Variants in PCDHGB2 observed in about 807,000 individuals in gnomAD.
PCDHGB2 encodes the protein protocadherin gamma-B2.
PCDHGB2 carries 55 observed loss-of-function variants against 59.3 expected under a neutral mutation model. The observed-to-expected ratio is 0.93, with a 90% confidence interval of 0.75 to 1.16. The LOEUF (loss-of-function observed/expected upper bound fraction) is 1.16, where lower values mean the gene tolerates loss of function less well. Ranked by LOEUF, PCDHGB2 falls within the 50% of genes most tolerant of loss-of-function variation. The pLI, the probability that PCDHGB2 is intolerant of heterozygous loss-of-function variation, is 0.00. For missense variants in PCDHGB2, 1,228 were observed against 1,198.5 expected, an observed-to-expected ratio of 1.02 and a Z score of -0.36; for synonymous variants, 516 against 512.0, an observed-to-expected ratio of 1.01 and a Z score of -0.11.
intron 1 of PCDHGB2, chr5:141,371,830 C>A: frequency 6.2e-7 from 1 of 1,613,814 alleles, no homozygotes. Flanking sequence ...GCCTCGGATC[C>A]CGACTTGGGA....
chr5:141,431,884 T>A lies in PCDHGB2; in HGVS notation c.2422-62923T>A. ...CCCTTTTAAATGTAAATGACCAAGA[T>A]TCTGAGGAAAACGGACAGGTGATCT... On this transcript the variant is annotated intron_variant, in intron 1 of 3. Transcript: ENST00000522605. This position sits in a 1 kb window ranked among gnomAD's most constrained non-coding sequence, Gnocchi z 4.8. 1.2e-6 allele frequency: 2 copies of A among 1,614,218 alleles called. No individual in the cohort carries two copies. Among genetic ancestry groups the A allele is most frequent in the Non-Finnish European group, 1.7e-6 (2 of 1,180,008 alleles).
chr5:141,376,476 T>C (rs1772728633), intron 1 of PCDHGB2: 19 of 1,614,192 alleles, frequency 1.2e-5, no homozygotes, highest in Middle Eastern at 1.6e-4. Context: ...CAGGATTTAC[T>C]TGAAACGAAA....
At chr5:141,492,216 C>T (rs1163022229) in intron 1 of PCDHGB2, among the ~76,000 whole-genome samples, 1 of 152,140 alleles carries the variant, frequency 6.6e-6, no homozygotes, top group Non-Finnish European at 1.5e-5. Context: ...GCGCGGGGCT[C>T]ATGCGTGTCC....
chr5:141,403,416 C>G, intron 1 of PCDHGB2: 1 of 1,614,034 alleles, frequency 6.2e-7, no homozygotes, highest in Non-Finnish European at 8.5e-7. Flanking sequence ...TATCCACTTC[C>G]AGAAGCTATT....
rs535152193 is a variant in PCDHGB2, at chr5:141,422,906, C to G, written c.2421+60350C>G. ...TTCGTGCTGGACCAGAACGACAATG[C>G]GCCCGAGATCCTGTACCCTGCCCTC... On this transcript the variant is annotated intron_variant, in intron 1 of 3. Transcript: ENST00000522605. 6 of 1,614,264 alleles carry G rather than the reference C, an allele frequency of 3.7e-6. No homozygotes were observed. The South Asian group carries it at 6.6e-5, about 18-fold the overall frequency.
intron 1 of PCDHGB2, among the ~76,000 whole-genome samples, chr5:141,379,889 C>CTTTTTTTTTGTTTTTTTTTTTTTTTTT (rs1775948001): frequency 2.0e-5 from 1 of 50,830 alleles, no homozygotes; most frequent in Non-Finnish European, 3.9e-5. Context: ...GTGAAAGCCT[C>CTTTTTTTTTGTTTTTTTTTTTTTTTTT]TTTTTTTTTT....
chr5:141,396,654 T>G (rs1489747712), intron 1 of PCDHGB2: 1 of 151,996 alleles, frequency 6.6e-6, no homozygotes, highest in Non-Finnish European at 1.5e-5. Context: ...TAGTAAAAAC[T>G]CGGTATAGGC....
At chr5:141,498,919 C>T (rs897611505) in intron 2 of PCDHGB2, among the ~76,000 whole-genome samples, 34 of 122,310 alleles carry the variant, frequency 2.8e-4, no homozygotes, top group African/African-American at 3.4e-4. Flanking sequence ...GGTGACAGAG[C>T]GAGACTCCAT....
At position 141,512,091 on chromosome 5, in the gene PCDHGB2, A is replaced by C. The variant is rs1329025049; in HGVS notation, c.*918A>C. On this transcript the variant is annotated 3_prime_UTR_variant, in exon 4 of 4. Transcript: ENST00000522605. The stretch of plus-strand genomic sequence containing the variant: ...TCCAGATTCCAGCCATAAACCAATA[A>C]CTAGGCTGGACCCTTCCCACTACAT... 1 of 152,656 alleles carries C rather than the reference A, an allele frequency of 6.6e-6. No homozygotes were observed. The highest frequency in any genetic ancestry group is 2.4e-5 in the African/African-American group (1 of 41,456). 9.5% of individuals were successfully genotyped at this position (152,656 alleles called of 1,614,324 possible). A position where few individuals can be genotyped will look rare whatever the true frequency, so the allele number is the denominator to read the frequency against.
chr5:141,457,413 A>C (rs939244132), intron 1 of PCDHGB2, among the ~76,000 whole-genome samples: 6 of 152,142 alleles, frequency 3.9e-5, no homozygotes, highest in Non-Finnish European at 5.9e-5. Flanking sequence ...CACATTACCC[A>C]TCCCTTTTTC....
At position 141,491,660 on chromosome 5, in the gene PCDHGB2, C is replaced by G; in HGVS notation, c.2422-3147C>G. 6.2e-7 allele frequency: 1 copy of G among 1,613,810 alleles called. No individual in the cohort carries two copies. ...ACAGCTCTGGCGCTGGAGCCTGACG[C>G]CATCCGGTCCCGCTCTAATACGCTG... is the stretch of plus-strand genomic sequence containing the variant. On this transcript the variant is annotated intron_variant, in intron 1 of 3. Transcript: ENST00000522605. The surrounding 1 kb of genome is among the most constrained non-coding windows in gnomAD (Gnocchi z 6.9).
In PCDHGB2 at chr5:141,489,993, C is replaced by T. The variant is rs1413894892; in HGVS notation, c.2422-4814C>T. 18 of 1,614,186 alleles carry T rather than the reference C, an allele frequency of 1.1e-5. No individual in the cohort carries two copies. The highest frequency in any genetic ancestry group is 1.5e-5 in the Non-Finnish European group (18 of 1,179,990). On this transcript the variant is annotated intron_variant, in intron 1 of 3. Transcript: ENST00000522605. The surrounding 1 kb of genome is among the most constrained non-coding windows in gnomAD (Gnocchi z 4.5). ...AATCCTCAGTTCTACGTGTGGGAAT[C>T]CCAGAGAATGCACCCATTGGTACTC...
intron 1 of PCDHGB2, chr5:141,407,951 A>G (rs1256400393): frequency 1.7e-6 from 1 of 578,448 alleles, no homozygotes; most frequent in Non-Finnish European, 2.8e-6. Flanking sequence ...GCTGTCGGCC[A>G]GTGCAGAGCA....
Position 141,476,294 on chromosome 5 carries a change from A to G in PCDHGB2, c.2422-18513A>G. 6.2e-7 allele frequency: 1 copy of G among 1,613,036 alleles called. No homozygotes were observed. The highest frequency in any genetic ancestry group is 8.5e-7 in the Non-Finnish European group (1 of 1,179,642). On this transcript the variant is annotated intron_variant, in intron 1 of 3. Transcript: ENST00000522605. The surrounding 1 kb of genome is among the most constrained non-coding windows in gnomAD (Gnocchi z 7.6). ...CGCGAACCTTGGTTTGGATCTCGGT[A>G]GCCTCTCAGCCCGCAGGTTCCGGGT...
At chr5:141,422,187 T>A in intron 1 of PCDHGB2, 1 of 1,561,762 alleles carries the variant, frequency 6.4e-7, no homozygotes, top group South Asian at 1.2e-5. Context: ...AGATGGAAAT[T>A]CAAGGCCAAG....
rs1009141449 is a variant in PCDHGB2, at chr5:141,491,922, G to A, written c.2422-2885G>A. 2 of 1,349,026 alleles carry A rather than the reference G, an allele frequency of 1.5e-6. No individual in the cohort carries two copies. Among genetic ancestry groups the A allele is most frequent in the African/African-American group, 1.5e-5 (1 of 67,598 alleles). The allele number at this position is 1,349,026 out of a possible 1,614,324, so 83.6% of individuals were successfully genotyped here. On this transcript the variant is annotated intron_variant, in intron 1 of 3. Coordinates refer to ENST00000522605, the MANE Select transcript of PCDHGB2 (RefSeq NM_018923.3). The surrounding 1 kb of genome is among the most constrained non-coding windows in gnomAD (Gnocchi z 6.9). ...CGGGGGTGGTGGCGACTGTGGGCGAGGGGAGGTGGGACCGACCCCCACCCC... is the reference window on the plus strand; with the variant it reads ...CGGGGGTGGTGGCGACTGTGGGCGAAGGGAGGTGGGACCGACCCCCACCCC...
rs775705715 is a variant in PCDHGB2 at position 141,422,475 on chromosome 5, C to T, written c.2421+59919C>T. ...GCAGAGTGCTGGACAGGGAGTTGGT[C>T]CAGAGCTACAATATAACGTTGACAG... On this transcript the variant is annotated intron_variant, in intron 1 of 3. Coordinates refer to ENST00000522605, the MANE Select transcript of PCDHGB2 (RefSeq NM_018923.3). The T allele has an allele frequency of 7.4e-6, 12 of 1,613,672 alleles. No individual in the cohort carries two copies. The East Asian group carries it at 2.0e-4, about 27-fold the overall frequency.
chr5:141,380,608 T>C (rs1014267122), intron 1 of PCDHGB2, among the ~76,000 whole-genome samples: 2 of 152,244 alleles, frequency 1.3e-5, no homozygotes. Flanking sequence ...TATTTAATTT[T>C]ATGATGTTCG....
Position 141,432,480 on chromosome 5 carries a change from G to T in PCDHGB2, c.2422-62327G>T, listed in dbSNP as rs775075732. On this transcript the variant is annotated intron_variant, in intron 1 of 3. Transcript: ENST00000522605. This position sits in a 1 kb window ranked among gnomAD's most constrained non-coding sequence, Gnocchi z 6.0. ...GCCCTCCCCACGGACGGTTCCACTG[G>T]CGTGGAGCTGGCTCCCCGCTCCGCA... The T allele has an allele frequency of 1.9e-6, 3 of 1,614,180 alleles. No individual in the cohort carries two copies. The highest frequency in any genetic ancestry group is 2.2e-5 in the South Asian group (2 of 91,078).
Sources: allele counts gnomAD v4.1 joint callset (sites outside exome capture counted in the v4.1 genomes callset), GRCh38; gene constraint gnomAD v4.1.1; non-coding constraint Gnocchi (gnomAD v3.1); transcripts MANE v1.5; gene names NCBI Gene and HGNC (gene_info 2026-07-23, HGNC 2026-07-21).